Variants in ADAMTS6 observed in about 807,000 individuals in gnomAD.
ADAMTS6 encodes ADAM metallopeptidase with thrombospondin type 1 motif 6.
Under a neutral mutation model 144.3 loss-of-function variants are expected in ADAMTS6, and 23 were observed. The ratio of observed to expected loss-of-function variants is 0.16; its 90% CI spans 0.11 to 0.23. The LOEUF (loss-of-function observed/expected upper bound fraction) is 0.23, where lower values mean the gene tolerates loss of function less well. Ranked by LOEUF, ADAMTS6 falls within the 10% of genes least tolerant of loss-of-function variation. The pLI is 1.00. For missense variants in ADAMTS6, 999 were observed against 1,379.6 expected, an observed-to-expected ratio of 0.72 and a Z score of 4.37; for synonymous variants, 444 against 457.5, an observed-to-expected ratio of 0.97 and a Z score of 0.38.
chr5:65,394,575 G>C (rs1223963190), intron 7 of ADAMTS6, among the ~76,000 whole-genome samples: 1 of 152,180 alleles, frequency 6.6e-6, no homozygotes, highest in African/African-American at 2.4e-5. Context: ...ATTGGGTTGA[G>C]GAGGATTGCT....
chr5:65,311,272 G>A (rs1007737454), intron 9 of ADAMTS6, among the ~76,000 whole-genome samples: 2 of 151,938 alleles, frequency 1.3e-5, no homozygotes, highest in African/African-American at 2.4e-5. Flanking sequence ...TATATAATAA[G>A]TAATAAAAGG....
intron 12 of ADAMTS6, among the ~76,000 whole-genome samples, chr5:65,269,793 T>C (rs1350801835): frequency 3.5e-5 from 5 of 144,138 alleles, no homozygotes; most frequent in Admixed American, 6.8e-5. Flanking sequence ...GTAAGTACTT[T>C]TTTTTTTTTT....
chr5:65,220,474 G>A (rs1271489550), intron 18 of ADAMTS6, among the ~76,000 whole-genome samples: 9 of 152,030 alleles, frequency 5.9e-5, no homozygotes, highest in Admixed American at 2.6e-4. Flanking sequence ...GCCGGGCGCA[G>A]TGGCTCACGC....
intron 7 of ADAMTS6, among the ~76,000 whole-genome samples, chr5:65,440,440 T>A (rs1286315132): frequency 1.3e-5 from 2 of 150,948 alleles, no homozygotes; most frequent in Non-Finnish European, 3.0e-5. Flanking sequence ...TGAAACAGAG[T>A]GGGGAAAACA....
chr5:65,344,704 T>A (rs1309205063), intron 7 of ADAMTS6, among the ~76,000 whole-genome samples: 1 of 151,864 alleles, frequency 6.6e-6, no homozygotes, highest in African/African-American at 2.4e-5. Flanking sequence ...ATTGTCATGA[T>A]CTGACTCCTA....
intron 7 of ADAMTS6, among the ~76,000 whole-genome samples, chr5:65,424,158 T>C (rs1756308992): frequency 2.0e-5 from 3 of 152,192 alleles, no homozygotes. Context: ...ACTTTGATTT[T>C]AACCCTTCCT....
chr5:65,467,112 A>G (rs1760088655), intron 3 of ADAMTS6, among the ~76,000 whole-genome samples: 2 of 151,898 alleles, frequency 1.3e-5, no homozygotes, highest in South Asian at 4.1e-4. Flanking sequence ...TAGAAATATG[A>G]CTGCTGTAAT....
At chr5:65,225,171 C>T (rs911095748) in intron 16 of ADAMTS6, 124 bp from the exon 17 acceptor site, 19 of 1,145,222 alleles carry the variant, frequency 1.7e-5, no homozygotes, top group South Asian at 3.8e-5. Context: ...TAAGGTAATC[C>T]GTGAATAAAA....
At chr5:65,428,055 G>A (rs1055418450) in intron 7 of ADAMTS6, among the ~76,000 whole-genome samples, 14 of 151,426 alleles carry the variant, frequency 9.2e-5, no homozygotes, top group African/African-American at 2.4e-4. Context: ...GTGAAAGCCC[G>A]TCTCTACTAA....
chr5:65,464,451 G>C (rs1759848634), intron 3 of ADAMTS6, among the ~76,000 whole-genome samples: 1 of 152,052 alleles, frequency 6.6e-6, no homozygotes, highest in South Asian at 2.1e-4. Flanking sequence ...AAATATCTGT[G>C]GTTTCTATTG....
chr5:65,384,970 T>A (rs1365853547), intron 7 of ADAMTS6, among the ~76,000 whole-genome samples: 4 of 152,180 alleles, frequency 2.6e-5, no homozygotes, highest in African/African-American at 9.7e-5. Context: ...GATACCTTCT[T>A]GCTGCATCTT....
chr5:65,460,551 T>C (rs903159720), intron 3 of ADAMTS6, among the ~76,000 whole-genome samples: 1 of 152,240 alleles, frequency 6.6e-6, no homozygotes, highest in Admixed American at 6.5e-5. Context: ...CCATATGCTA[T>C]GCACTGTACT....
rs1759383765 is a variant in ADAMTS6, at chr5:65,458,386, T to C, written c.631+1784A>G. On this transcript the variant is annotated intron_variant, in intron 4 of 24. Coordinates refer to ENST00000381055, the MANE Select transcript of ADAMTS6 (RefSeq NM_197941.4). Reference sequence around the variant, plus strand: ...AGAAGAAACAAAAGGATAATACATATCATACACTAATTCACAAGGCAATCC... The same window carrying C: ...AGAAGAAACAAAAGGATAATACATACCATACACTAATTCACAAGGCAATCC... 2.0e-5 allele frequency among the ~76,000 whole-genome samples: 3 copies of C among 152,176 alleles called. No individual in the cohort carries two copies. The South Asian group carries it at 6.2e-4, about 32-fold the overall frequency.
intron 7 of ADAMTS6, among the ~76,000 whole-genome samples, chr5:65,341,680 A>G (rs558777932): frequency 6.6e-6 from 1 of 152,238 alleles, no homozygotes; most frequent in African/African-American, 2.4e-5. Flanking sequence ...ACCAATTATA[A>G]GAGACTGAAT....
At chr5:65,327,039 G>T (rs1263443973) in intron 9 of ADAMTS6, among the ~76,000 whole-genome samples, 1 of 152,112 alleles carries the variant, frequency 6.6e-6, no homozygotes, top group African/African-American at 2.4e-5. Flanking sequence ...GGGTAATGGG[G>T]GCAGATCCCT....
chr5:65,166,846 C>T (rs1753197494), intron 24 of ADAMTS6, among the ~76,000 whole-genome samples: 1 of 103,026 alleles, frequency 9.7e-6, no homozygotes, highest in Non-Finnish European at 2.0e-5. Flanking sequence ...AGAACAAAGA[C>T]ACAACATACC....
intron 7 of ADAMTS6, among the ~76,000 whole-genome samples, chr5:65,365,628 C>T (rs1343122305): frequency 7.0e-6 from 1 of 142,268 alleles, no homozygotes; most frequent in Non-Finnish European, 1.5e-5. Context: ...GCCTGGGCAA[C>T]AGAGTGAGAC....
intron 8 of ADAMTS6, among the ~76,000 whole-genome samples, chr5:65,332,321 AGAGAGAG>A (rs1472608822): frequency 8.9e-5 from 13 of 145,834 alleles, no homozygotes; most frequent in Non-Finnish European, 1.5e-4. Flanking sequence ...ATAGAGAGAG[AGAGAGAG>A]AGAGAGAGAG....
At chr5:65,384,683 A>C (rs928334005) in intron 7 of ADAMTS6, among the ~76,000 whole-genome samples, 1 of 152,130 alleles carries the variant, frequency 6.6e-6, no homozygotes, top group African/African-American at 2.4e-5. Flanking sequence ...AATTGTCCTT[A>C]AGCCTCCTTT....
Sources: gnomAD v4.1 joint callset for allele counts (sites outside exome capture counted in the v4.1 genomes callset) on GRCh38, gnomAD v4.1.1 for gene constraint, MANE v1.5 for transcripts, NCBI Gene and HGNC (gene_info 2026-07-23, HGNC 2026-07-21) for gene names.